The following NTRK3 variants were observed in gnomAD, a reference collection of about 807,000 sequenced individuals.
NTRK3 encodes neurotrophic receptor tyrosine kinase 3, also known as NT-3 growth factor receptor.
NTRK3 carries 24 observed loss-of-function variants against 91.7 expected under a neutral mutation model. That is an observed-to-expected ratio of 0.26 (90% CI 0.19 to 0.37). NTRK3 has a LOEUF of 0.37. Among genes scored for constraint, NTRK3 ranks in the 10% least tolerant of loss-of-function variants. NTRK3 has a pLI of 1.00. For synonymous variants in NTRK3, 483 were observed against 404.0 expected (o/e 1.20, Z -2.34); for missense variants, 880 against 1,068.9 (o/e 0.82, Z 2.46).
intron 12 of NTRK3, 63 bp from the exon 13 acceptor site, chr15:88,126,436 A>G (rs939816058): frequency 9.0e-7 from 1 of 1,111,086 alleles, no homozygotes; most frequent in Non-Finnish European, 1.4e-6. Flanking sequence ...CCTTGAAAAT[A>G]ATGTGTGTGC....
chr15:87,949,299 C>G (rs2070871251), intron 14 of NTRK3, among the ~76,000 whole-genome samples: 1 of 152,060 alleles, frequency 6.6e-6, no homozygotes, highest in African/African-American at 2.4e-5. Flanking sequence ...CAGGAAAGTA[C>G]TGAGACCCAC....
At chr15:87,926,784 G>A (rs1257036363) in intron 17 of NTRK3, 1 of 152,192 alleles carries the variant, frequency 6.6e-6, no homozygotes. Flanking sequence ...ATAGTTTCCT[G>A]AGACTCCAGT....
intron 14 of NTRK3, among the ~76,000 whole-genome samples, chr15:87,968,514 T>C (rs2141253423): frequency 6.6e-6 from 1 of 152,254 alleles, no homozygotes; most frequent in South Asian, 2.1e-4. Flanking sequence ...GTTCTCCAGG[T>C]TCTTCAAGGT....
chr15:87,891,888 C>A (rs1487092214), intron 17 of NTRK3, among the ~76,000 whole-genome samples: 1 of 152,142 alleles, frequency 6.6e-6, no homozygotes, highest in Non-Finnish European at 1.5e-5. Flanking sequence ...ATGTAATAGG[C>A]AGAGATACAG....
intron 12 of NTRK3, 23 bp from the exon 13 acceptor site, chr15:88,126,396 A>C (rs1278259656): frequency 6.5e-7 from 1 of 1,538,914 alleles, no homozygotes; most frequent in Non-Finnish European, 9.0e-7. Flanking sequence ...AGAAACAGAG[A>C]GTCAGCAACA....
At chr15:87,863,669 C>G (rs753400303) in exon 19 of NTRK3, 1 of 224,986 alleles carries the variant, frequency 4.4e-6, no homozygotes, top group Non-Finnish European at 8.8e-6. Flanking sequence ...AACCTTAAAA[C>G]CTTGGAAAAG....
intron 5 of NTRK3, among the ~76,000 whole-genome samples, chr15:88,152,995 G>C (rs182198796): frequency 2.4e-4 from 37 of 152,328 alleles, no homozygotes; most frequent in African/African-American, 7.9e-4. Flanking sequence ...TCATTCTGCT[G>C]CTTGCAGAAA....
At chr15:88,056,020 T>C (rs1418962948) in intron 13 of NTRK3, among the ~76,000 whole-genome samples, 1 of 151,918 alleles carries the variant, frequency 6.6e-6, no homozygotes, top group African/African-American at 2.4e-5. Flanking sequence ...GGTTAAGGCA[T>C]GACTTGTGGG....
intron 3 of NTRK3, among the ~76,000 whole-genome samples, chr15:88,185,767 G>A (rs949787632): frequency 9.9e-5 from 15 of 152,158 alleles, no homozygotes; most frequent in Non-Finnish European, 1.5e-4. Flanking sequence ...CCGTAGCTCT[G>A]CCATCTGCCA....
intron 13 of NTRK3, among the ~76,000 whole-genome samples, chr15:88,110,528 C>A (rs954486236): frequency 6.6e-6 from 1 of 152,164 alleles, no homozygotes; most frequent in Non-Finnish European, 1.5e-5. Flanking sequence ...GGGTGCAATG[C>A]CCAAGGGGCC....
At chr15:88,054,713 G>A (rs1455224452) in intron 13 of NTRK3, among the ~76,000 whole-genome samples, 1 of 152,082 alleles carries the variant, frequency 6.6e-6, no homozygotes, top group Non-Finnish European at 1.5e-5. Flanking sequence ...CCCTGGGTCA[G>A]TGGGTTATAT....
Position 88,193,609 on chromosome 15 carries a change from GACC to G in NTRK3, c.249-9313_249-9311del, listed in dbSNP as rs1416861937. On this transcript the variant is annotated intron_variant, in intron 3 of 18. Coordinates refer to ENST00000394480, the Ensembl canonical transcript of NTRK3. ...GTGGTTCCAGTGTTATGCAAATAGT[GACC>G]ACTAGGCGAATAAATGAACGAATCC... Among the ~76,000 whole-genome samples the G allele has an allele frequency of 2.0e-5, 3 of 152,270 alleles. No homozygotes were observed. In the East Asian group the frequency reaches 5.8e-4, roughly 29 times the overall value.
chr15:88,093,077 T>G (rs1466675326), intron 13 of NTRK3, among the ~76,000 whole-genome samples: 31 of 151,148 alleles, frequency 2.1e-4, no homozygotes, highest in African/African-American at 7.0e-4. Context: ...TTTTTTTGTT[T>G]TTTTTTTTTT....
intron 3 of NTRK3, among the ~76,000 whole-genome samples, chr15:88,208,641 A>G (rs1257079917): frequency 1.3e-5 from 2 of 152,158 alleles, no homozygotes; most frequent in Non-Finnish European, 2.9e-5. Context: ...CAGAGTAGGC[A>G]CTCACAGTGA....
chr15:88,247,795 C>A lies in NTRK3; in HGVS notation c.248+8111G>T, dbSNP rs143598855. ...TTGTATCTGTCTCCCACACTAAGAG[C>A]TCATCCCTATGGAGAGAGAGATGGA... is the stretch of plus-strand genomic sequence containing the variant. On this transcript the variant is annotated intron_variant, in intron 3 of 18. Transcript: ENST00000394480. Among the ~76,000 whole-genome samples, 132 of 152,272 alleles carry A rather than the reference C, an allele frequency of 8.7e-4. No homozygotes were observed. The Middle Eastern group carries it at 0.024, about 27-fold the overall frequency.
At chr15:88,190,593 C>A (rs1358729454) in intron 3 of NTRK3, among the ~76,000 whole-genome samples, 10 of 152,218 alleles carry the variant, frequency 6.6e-5, no homozygotes, top group Admixed American at 6.5e-4. Context: ...GCCATCACCT[C>A]TTAAGCTGTC....
At chr15:88,136,593 G>A (rs1486240498) in exon 8 of NTRK3, 7 of 1,612,986 alleles carry the variant, frequency 4.3e-6, no homozygotes, top group South Asian at 1.1e-5. Flanking sequence ...CGTGGCTCAC[G>A]CTGATCTCAG....
At chr15:88,125,472 T>C in intron 13 of NTRK3, among the ~76,000 whole-genome samples, 1 of 151,352 alleles carries the variant, frequency 6.6e-6, no homozygotes, top group Non-Finnish European at 1.5e-5. Context: ...GTATCATGCC[T>C]CCCTACCCAC....
At chr15:88,089,190 C>A (rs568665159) in intron 13 of NTRK3, among the ~76,000 whole-genome samples, 1 of 152,158 alleles carries the variant, frequency 6.6e-6, no homozygotes, top group East Asian at 1.9e-4. Flanking sequence ...AACCGACATG[C>A]CTGCATTCAA....
Sources: allele counts gnomAD v4.1 joint callset (sites outside exome capture counted in the v4.1 genomes callset), GRCh38; gene constraint gnomAD v4.1.1; transcripts MANE v1.5; gene names NCBI Gene and HGNC (gene_info 2026-07-23, HGNC 2026-07-21).